The following NPHP4 variants were observed in gnomAD, a reference collection of about 807,000 sequenced individuals.
NPHP4 encodes nephrocystin 4, also known as nephrocystin-4.
Under a neutral mutation model 155.8 loss-of-function variants are expected in NPHP4, and 151 were observed. That is an observed-to-expected ratio of 0.97 (90% CI 0.85 to 1.11). NPHP4 has a LOEUF of 1.11. NPHP4 is among the 50% of genes least tolerant of loss of function. NPHP4 has a pLI of 0.00. For synonymous variants in NPHP4, 845 were observed against 816.8 expected (o/e 1.03, Z -0.59); for missense variants, 1,956 against 1,925.7 (o/e 1.02, Z -0.29).
chr1:5,978,975 C>A (rs1488630860), intron 2 of NPHP4, among the ~76,000 whole-genome samples: 4 of 152,210 alleles, frequency 2.6e-5, no homozygotes, highest in South Asian at 4.1e-4. Context: ...AAAAGCAGAT[C>A]TTTGAGAATT....
At chr1:5,916,824 A>G (rs1245361280) in intron 11 of NPHP4, among the ~76,000 whole-genome samples, 2 of 152,266 alleles carry the variant, frequency 1.3e-5, no homozygotes, top group Non-Finnish European at 2.9e-5. Flanking sequence ...CCTGGCCAAC[A>G]TGGCGAAACC....
intron 9 of NPHP4, among the ~76,000 whole-genome samples, chr1:5,943,486 G>C (rs1249144638): frequency 3.3e-5 from 5 of 152,148 alleles, no homozygotes; most frequent in African/African-American, 1.2e-4. Flanking sequence ...CTGATCTGAT[G>C]CATGAGGCCA....
chr1:5,968,453 T>C (rs556431794), intron 4 of NPHP4, among the ~76,000 whole-genome samples: 3 of 152,040 alleles, frequency 2.0e-5, no homozygotes, highest in Admixed American at 2.0e-4. Flanking sequence ...AACACAAAAA[T>C]TAGCCAGGCA....
chr1:5,990,259 G>A (rs374963445), intron 1 of NPHP4, among the ~76,000 whole-genome samples: 8 of 152,318 alleles, frequency 5.3e-5, no homozygotes, highest in African/African-American at 1.9e-4. Context: ...GGGCTGTGCT[G>A]TAGTCCTGCG....
chr1:5,879,520 C>G lies in NPHP4; in HGVS notation c.2611+594G>C, dbSNP rs189214844. On this transcript the variant is annotated intron_variant, in intron 19 of 29. Coordinates refer to ENST00000378156, the MANE Select transcript of NPHP4 (RefSeq NM_015102.5). ...GTTTTGAAAATCAGTCTATGTTCCT[C>G]CTGACCTTCTCTCCATTTCTCCTTC... is the stretch of plus-strand genomic sequence containing the variant. 4.0e-5 allele frequency: 21 copies of G among 519,010 alleles called. No individual in the cohort carries two copies. In the Admixed American group the frequency reaches 4.1e-4, roughly 10 times the overall value. The allele number at this position is 519,010 out of a possible 1,614,324, so 32.2% of individuals were successfully genotyped here.
At chr1:5,922,712 G>A (rs1046333921) in intron 11 of NPHP4, among the ~76,000 whole-genome samples, 5 of 136,560 alleles carry the variant, frequency 3.7e-5, no homozygotes, top group Admixed American at 3.5e-4. Flanking sequence ...TGGCTTAGCC[G>A]GGCACGGTGG....
At chr1:5,953,279 T>A (rs1648539644) in intron 6 of NPHP4, among the ~76,000 whole-genome samples, 1 of 152,208 alleles carries the variant, frequency 6.6e-6, no homozygotes, top group African/African-American at 2.4e-5. Context: ...CTAATTTTTG[T>A]ATTTTTAGTA....
At chr1:5,908,092 G>A (rs556225460) in intron 12 of NPHP4, among the ~76,000 whole-genome samples, 24 of 152,332 alleles carry the variant, frequency 1.6e-4, no homozygotes, top group African/African-American at 5.8e-4. Flanking sequence ...AATGTATGAA[G>A]AGGCACTGAG....
chr1:5,868,121 A>T, intron 23 of NPHP4: 1 of 668,648 alleles, frequency 1.5e-6, no homozygotes, highest in South Asian at 1.6e-5. Context: ...GCACCCACAC[A>T]GGGCACCCAA....
chr1:5,863,364 C>G lies in NPHP4; in HGVS notation c.4182G>C (p.Ala1394=). 6.2e-7 allele frequency: 1 copy of G among 1,614,008 alleles called. No homozygotes were observed. The highest frequency in any genetic ancestry group is 1.1e-5 in the South Asian group (1 of 91,082). Residue 1394 remains alanine (A), a synonymous_variant, in exon 30 of 30, where the codon GCG becomes GCC. Coordinates refer to ENST00000378156, the MANE Select transcript of NPHP4 (RefSeq NM_015102.5). The stretch of plus-strand genomic sequence containing the variant: ...CCTCCTCACCCACTCTCTGACTAGG[C>G]GCAAACTGCAAGCCGATGGTGTAGG... The part of the protein sequence containing the change: ...GETYTIGLQF[A]PSQRVGEEEI...
At chr1:5,877,541 G>T in intron 19 of NPHP4, 1 of 376,926 alleles carries the variant, frequency 2.7e-6, no homozygotes. Context: ...TCTGACTCTG[G>T]CCCTTAGATC....
chr1:5,904,537 A>G, intron 16 of NPHP4, 80 bp downstream of exon 16: 1 of 1,113,782 alleles, frequency 9.0e-7, no homozygotes, highest in South Asian at 1.6e-5. Context: ...TCATAGTACC[A>G]CTTATTTAAT....
chr1:5,941,287 G>GACAAAAAAAAAAAA (rs1646799852), intron 9 of NPHP4, among the ~76,000 whole-genome samples: 1 of 10,856 alleles, frequency 9.2e-5, no homozygotes, highest in African/African-American at 4.0e-4. Context: ...AAGAGATCTA[G>GACAAAAAAAAAAAA]ACAAAAAAAA....
intron 9 of NPHP4, among the ~76,000 whole-genome samples, chr1:5,939,614 T>C (rs1400127029): frequency 6.6e-6 from 1 of 152,172 alleles, no homozygotes; most frequent in Admixed American, 6.5e-5. Context: ...CAATGAACAC[T>C]GGGGTCAGAT....
At chr1:5,897,892 C>T (rs1360364795) in intron 16 of NPHP4, among the ~76,000 whole-genome samples, 1 of 152,238 alleles carries the variant, frequency 6.6e-6, no homozygotes, top group Non-Finnish European at 1.5e-5. Flanking sequence ...CAACAACTTA[C>T]TTTCAAATAA....
intron 21 of NPHP4, 79 bp from the exon 22 acceptor site, chr1:5,874,736 A>G (rs1642389105): frequency 6.5e-7 from 1 of 1,533,564 alleles, no homozygotes; most frequent in South Asian, 1.2e-5. Context: ...ACCCACCGAG[A>G]GCGGTGCTCA....
intron 9 of NPHP4, among the ~76,000 whole-genome samples, chr1:5,939,445 T>C (rs903080729): frequency 4.6e-5 from 7 of 152,222 alleles, no homozygotes; most frequent in Admixed American, 4.6e-4. Flanking sequence ...CCCCAGCGGC[T>C]GGCATGTGGG....
chr1:5,979,290 C>A lies in NPHP4; in HGVS notation c.136-877G>T, dbSNP rs549592422. Among the ~76,000 whole-genome samples the A allele has an allele frequency of 2.7e-5, 4 of 150,576 alleles. No homozygotes were observed. In the East Asian group the frequency reaches 8.0e-4, roughly 30 times the overall value. On this transcript the variant is annotated intron_variant, in intron 2 of 29. Transcript: ENST00000378156. ...ACAAGGAACAGACAAAATCTCTGCC[C>A]TTACAGGGCTTACATGGTGAAGAAC...
intron 17 of NPHP4, chr1:5,888,577 G>C: frequency 7.4e-7 from 1 of 1,351,370 alleles, no homozygotes; most frequent in Non-Finnish European, 9.8e-7. Context: ...CGGAACCTCA[G>C]TCACTGGGAG....
Sources: gnomAD v4.1 joint callset for allele counts (sites outside exome capture counted in the v4.1 genomes callset) on GRCh38, gnomAD v4.1.1 for gene constraint, MANE v1.5 for transcripts, NCBI Gene and HGNC (gene_info 2026-07-23, HGNC 2026-07-21) for gene names.